The following ROR1 variants were observed in gnomAD, a reference collection of about 807,000 sequenced individuals.
ROR1 encodes the protein inactive tyrosine-protein kinase transmembrane receptor ROR1.
In ROR1, 19 loss-of-function variants were observed where a neutral mutation model predicts 78.8. That is an observed-to-expected ratio of 0.24 (90% confidence interval 0.17 to 0.35). The LOEUF (loss-of-function observed/expected upper bound fraction) is 0.35. Ranked by LOEUF, ROR1 falls within the 10% of genes least tolerant of loss-of-function variation. ROR1 has a pLI of 1.00. For synonymous variants in ROR1, 386 were observed against 433.6 expected (o/e 0.89, Z 1.36); for missense variants, 917 against 1,177.8 (o/e 0.78, Z 3.24).
chr1:63,774,645 C>T lies in ROR1; in HGVS notation c.91+137C>T, dbSNP rs1000891378. Reference sequence around the variant, plus strand: ...GCGTCCGGCCACCCGCCACGGGGCTCGCCGGCGCCGCCAGGCCAGGGTTTG... The same window carrying T: ...GCGTCCGGCCACCCGCCACGGGGCTTGCCGGCGCCGCCAGGCCAGGGTTTG... On this transcript the variant is annotated intron_variant, in intron 1 of 8. Transcript: ENST00000371079. This position sits in a 1 kb window ranked among gnomAD's most constrained non-coding sequence, Gnocchi z 5.7. The T allele has an allele frequency of 6.2e-5, 19 of 306,084 alleles. 1 individual carries two copies. Among genetic ancestry groups the T allele is most frequent in the Admixed American group, 1.3e-4 (2 of 15,874 alleles). 19.0% of individuals were successfully genotyped at this position (306,084 alleles called of 1,614,324 possible). A position where few individuals can be genotyped will look rare whatever the true frequency, so the allele number is the denominator to read the frequency against.
chr1:63,842,679 C>T (rs1645056180), intron 1 of ROR1, among the ~76,000 whole-genome samples: 1 of 151,938 alleles, frequency 6.6e-6, no homozygotes, highest in South Asian at 2.1e-4. Context: ...CCCTTTGCTC[C>T]TTCTTTTTTT....
At chr1:63,848,967 A>C (rs756447304) in intron 1 of ROR1, among the ~76,000 whole-genome samples, 87 of 152,270 alleles carry the variant, frequency 5.7e-4, no homozygotes, top group Admixed American at 2.3e-3. Context: ...TAGATACCAA[A>C]GACTTATTGA....
chr1:64,130,253 C>G (rs970368588), intron 4 of ROR1, among the ~76,000 whole-genome samples: 1 of 152,120 alleles, frequency 6.6e-6, no homozygotes, highest in Non-Finnish European at 1.5e-5. Flanking sequence ...CTCTGTGAGT[C>G]GTTGGCCCTC....
rs189500274 is a variant in ROR1, at chr1:64,037,825, G to A, written c.164-11866G>A. The stretch of plus-strand genomic sequence containing the variant: ...GCACTGTGGAGTCCTCAGCAGATAT[G>A]CATGGTACATGTCACCAAGGGTGGC... On this transcript the variant is annotated intron_variant, in intron 2 of 8. Coordinates refer to ENST00000371079, the MANE Select transcript of ROR1 (RefSeq NM_005012.4). Among the ~76,000 whole-genome samples, 26 of 152,160 alleles carry A rather than the reference G, an allele frequency of 1.7e-4. No individual in the cohort carries two copies. In the East Asian group the frequency reaches 4.3e-3, roughly 25 times the overall value.
At chr1:63,815,072 C>T (rs1195715845) in intron 1 of ROR1, among the ~76,000 whole-genome samples, 1 of 152,194 alleles carries the variant, frequency 6.6e-6, no homozygotes, top group Non-Finnish European at 1.5e-5. Context: ...AAAAAGGGCA[C>T]TGGGGTATTA....
At chr1:63,870,570 G>A (rs1410960464) in intron 1 of ROR1, among the ~76,000 whole-genome samples, 2 of 152,162 alleles carry the variant, frequency 1.3e-5, no homozygotes, top group Admixed American at 6.5e-5. Context: ...ACCAAGTTAG[G>A]TGTGGGTATA....
At chr1:63,980,917 G>T (rs1646205197) in intron 1 of ROR1, among the ~76,000 whole-genome samples, 1 of 152,228 alleles carries the variant, frequency 6.6e-6, no homozygotes, top group Non-Finnish European at 1.5e-5. Flanking sequence ...GTTTTCAGGA[G>T]ACAGCACAGA....
chr1:63,876,317 G>A (rs1446342530), intron 1 of ROR1, among the ~76,000 whole-genome samples: 1 of 151,970 alleles, frequency 6.6e-6, no homozygotes, highest in African/African-American at 2.4e-5. Context: ...GATTTTCCTG[G>A]GACATGTGCA....
chr1:64,035,199 A>G (rs1483179176), intron 2 of ROR1, among the ~76,000 whole-genome samples: 3 of 152,230 alleles, frequency 2.0e-5, no homozygotes, highest in Non-Finnish European at 4.4e-5. Context: ...AAGGTGCTAG[A>G]AAATAGTGAT....
chr1:63,976,326 T>C (rs1646160927), intron 1 of ROR1, among the ~76,000 whole-genome samples: 1 of 152,188 alleles, frequency 6.6e-6, no homozygotes, highest in South Asian at 2.1e-4. Context: ...CTCATAATGC[T>C]TTTTGCACTC....
At chr1:63,798,046 T>C (rs1319800837) in intron 1 of ROR1, among the ~76,000 whole-genome samples, 1 of 152,160 alleles carries the variant, frequency 6.6e-6, no homozygotes, top group Non-Finnish European at 1.5e-5. Context: ...CCAGCTCTCA[T>C]TGAGCTGAGA....
At chr1:63,888,372 T>G (rs1203034909) in intron 1 of ROR1, among the ~76,000 whole-genome samples, 1 of 152,020 alleles carries the variant, frequency 6.6e-6, no homozygotes, top group East Asian at 1.9e-4. Flanking sequence ...CCTAGCACTT[T>G]GGGAAGATGA....
chr1:64,095,704 C>G (rs922471838), intron 4 of ROR1, among the ~76,000 whole-genome samples: 1 of 152,100 alleles, frequency 6.6e-6, no homozygotes, highest in African/African-American at 2.4e-5. Flanking sequence ...CCAAAAATAT[C>G]TGAATTATTA....
At chr1:63,795,446 C>T (rs566259124) in intron 1 of ROR1, among the ~76,000 whole-genome samples, 17 of 152,250 alleles carry the variant, frequency 1.1e-4, no homozygotes, top group African/African-American at 4.1e-4. Context: ...TAAGGAAAAT[C>T]CTGTCGAAAC....
At chr1:64,022,046 G>A (rs992667398) in intron 2 of ROR1, among the ~76,000 whole-genome samples, 3 of 152,070 alleles carry the variant, frequency 2.0e-5, no homozygotes, top group Non-Finnish European at 4.4e-5. Flanking sequence ...GACATACAAT[G>A]GAATATTATT....
chr1:63,930,013 C>T (rs1239828239), intron 1 of ROR1, among the ~76,000 whole-genome samples: 2 of 152,002 alleles, frequency 1.3e-5, no homozygotes, highest in African/African-American at 2.4e-5. Context: ...ATGTGCAGAA[C>T]GTGCAGGTTT....
At chr1:64,067,584 C>A (rs1557635924) in intron 4 of ROR1, among the ~76,000 whole-genome samples, 1 of 150,808 alleles carries the variant, frequency 6.6e-6, no homozygotes, top group African/African-American at 2.4e-5. Flanking sequence ...AATACCAAAA[C>A]ATTATTTTTC....
At chr1:64,038,086 C>T (rs910163548) in intron 2 of ROR1, among the ~76,000 whole-genome samples, 14 of 152,120 alleles carry the variant, frequency 9.2e-5, no homozygotes, top group South Asian at 2.1e-4. Flanking sequence ...CACTGTTTTG[C>T]GAGGCCAAGG....
intron 4 of ROR1, among the ~76,000 whole-genome samples, chr1:64,058,732 C>T (rs1364411948): frequency 6.6e-6 from 1 of 151,800 alleles, no homozygotes; most frequent in Non-Finnish European, 1.5e-5. Context: ...CTGGATTCAG[C>T]TTGCTGGTAT....
Sources: allele counts gnomAD v4.1 joint callset (sites outside exome capture counted in the v4.1 genomes callset), GRCh38; gene constraint gnomAD v4.1.1; non-coding constraint Gnocchi (gnomAD v3.1); transcripts MANE v1.5; gene names NCBI Gene and HGNC (gene_info 2026-07-23, HGNC 2026-07-21).